TG: variants seen among roughly 807,000 people sequenced by gnomAD.
TG encodes thyroid hormones.
TG carries 270 observed loss-of-function variants against 324.7 expected under a neutral mutation model. The ratio of observed to expected loss-of-function variants is 0.83; its 90% CI spans 0.75 to 0.92. The LOEUF (loss-of-function observed/expected upper bound fraction) is 0.92. Among genes scored for constraint, TG ranks in the 40% least tolerant of loss-of-function variants. The pLI, the probability that TG is intolerant of heterozygous loss-of-function variation, is 0.00. For missense variants in TG, 3,591 were observed against 3,456.4 expected, an observed-to-expected ratio of 1.04 and a Z score of -0.98; for synonymous variants, 1,401 against 1,327.0, an observed-to-expected ratio of 1.06 and a Z score of -1.21.
At chr8:132,885,794 G>C (rs140003760) in intron 8 of TG, among the ~76,000 whole-genome samples, 37 of 152,256 alleles carry the variant, frequency 2.4e-4, no homozygotes, top group African/African-American at 8.7e-4. Flanking sequence ...TGTGGGCAGG[G>C]CCATGCTCTC....
At position 132,898,172 on chromosome 8, in the gene TG, A is replaced by T. The variant is rs1587307666; in HGVS notation, c.3143A>T (p.His1048Leu). ...EPVQCHAGTGHCWCVDEKGGF... is the reference protein window; with the variant it reads ...EPVQCHAGTGLCWCVDEKGGF... Reference sequence around the variant, plus strand: ...TCTCCCCTTGGCTCTTTTCCAGGGCACTGCTGGTGTGTAGATGAGAAAGGA... The same window carrying T: ...TCTCCCCTTGGCTCTTTTCCAGGGCTCTGCTGGTGTGTAGATGAGAAAGGA... The change falls in exon 13 of 48, where the codon CAC (histidine) becomes CTC (leucine). Residue 1048 changes from histidine (H) to leucine (L), a missense_variant. Transcript: ENST00000220616. The T allele has an allele frequency of 1.9e-6, 3 of 1,601,092 alleles. No homozygotes were observed. Among genetic ancestry groups the T allele is most frequent in the African/African-American group, 2.7e-5 (2 of 74,938 alleles).
chr8:133,012,060 G>T, intron 36 of TG, 25 bp downstream of exon 36: 1 of 1,614,094 alleles, frequency 6.2e-7, no homozygotes, highest in Non-Finnish European at 8.5e-7. Flanking sequence ...CAACCCACAG[G>T]TTGGGTGGGA....
intron 27 of TG, among the ~76,000 whole-genome samples, chr8:132,950,992 AG>A (rs1465623004): frequency 1.3e-5 from 2 of 152,116 alleles, no homozygotes; most frequent in African/African-American, 4.8e-5. Context: ...GGACTTCCCT[AG>A]GTCTTAGAGC....
In TG at chr8:133,120,613, T is replaced by A. The variant is rs191611371; in HGVS notation, c.7862+3897T>A. ...TCTGTGTTCTTCGTCCGGTATTTCT[T>A]TACGTCGTCTTTCTTCGTGCACGTC... is the stretch of plus-strand genomic sequence containing the variant. On this transcript the variant is annotated intron_variant, in intron 45 of 47. Transcript: ENST00000220616. Among the ~76,000 whole-genome samples the A allele has an allele frequency of 5.9e-5, 9 of 152,308 alleles. No individual in the cohort carries two copies. The East Asian group carries it at 1.7e-3, about 29-fold the overall frequency.
chr8:132,931,730 G>A (rs1224104817), intron 23 of TG, among the ~76,000 whole-genome samples: 1 of 152,072 alleles, frequency 6.6e-6, no homozygotes, highest in African/African-American at 2.4e-5. Context: ...TCTGCTTGCC[G>A]TGAAGATTAG....
At chr8:132,953,300 A>G (rs908664458) in intron 27 of TG, among the ~76,000 whole-genome samples, 1 of 152,084 alleles carries the variant, frequency 6.6e-6, no homozygotes, top group Non-Finnish European at 1.5e-5. Flanking sequence ...TCCCTCCCTC[A>G]TATCCTGAGC....
In TG at chr8:132,919,379, A is replaced by C. The variant is rs149439101; in HGVS notation, c.4382A>C (p.Lys1461Thr). 9 of 1,613,770 alleles carry C rather than the reference A, an allele frequency of 5.6e-6. No individual in the cohort carries two copies. Among genetic ancestry groups the C allele is most frequent in the Admixed American group, 3.3e-5 (2 of 59,976 alleles). The change falls in exon 21 of 48, where the codon AAG (lysine) becomes ACG (threonine). Residue 1461 changes from lysine (K) to threonine (T), a missense_variant. By Grantham distance (78) the Lys-to-Thr change is moderately conservative (BLOSUM62 -1). Transcript: ENST00000220616. ...EASQDGLGCV[K>T]CPEGSYSQDE... Reference sequence around the variant, plus strand: ...TCATTTCTCTGTTTTTTTCTAGTTAAGTGTCCTGAAGGAAGCTATTCCCAA... The same window carrying C: ...TCATTTCTCTGTTTTTTTCTAGTTACGTGTCCTGAAGGAAGCTATTCCCAA...
rs563729333 is a variant in TG, at chr8:133,061,319, C to T, written c.7239+31296C>T. Among the ~76,000 whole-genome samples the T allele has an allele frequency of 2.2e-4, 34 of 152,328 alleles. No homozygotes were observed. In the South Asian group the frequency reaches 6.8e-3, roughly 31 times the overall value. On this transcript the variant is annotated intron_variant, in intron 41 of 47. Coordinates refer to ENST00000220616, the MANE Select transcript of TG (RefSeq NM_003235.5). ...CCTCCATGCCTGGCCAAGTCATTAACCTTTTTCTGACTGTTTTGGGGAACA... is the reference window on the plus strand; with the variant it reads ...CCTCCATGCCTGGCCAAGTCATTAATCTTTTTCTGACTGTTTTGGGGAACA...
At chr8:132,914,859 A>G (rs1035175132) in intron 20 of TG, among the ~76,000 whole-genome samples, 2 of 152,174 alleles carry the variant, frequency 1.3e-5, no homozygotes, top group Non-Finnish European at 2.9e-5. Flanking sequence ...AGAGTCACAG[A>G]GAGAGCACCT....
chr8:132,921,136 A>G (rs764646828), intron 21 of TG, among the ~76,000 whole-genome samples: 6 of 152,256 alleles, frequency 3.9e-5, no homozygotes, highest in Non-Finnish European at 5.9e-5. Context: ...TCATGGCCTC[A>G]GTTAAACCTA....
rs564614918 is a variant in TG, at chr8:133,022,355, A to G, written c.7036+205A>G. ...AGTTGCCATTTATTGATAACTTACT[A>G]CATGTCTGAGCTTCACTGCTCCAAG... On this transcript the variant is annotated intron_variant, in intron 40 of 47. Transcript: ENST00000220616. Among the ~76,000 whole-genome samples the G allele has an allele frequency of 2.0e-5, 3 of 152,238 alleles. No homozygotes were observed. The South Asian group carries it at 6.2e-4, about 32-fold the overall frequency.
At position 132,901,543 on chromosome 8, in the gene TG, C is replaced by G; in HGVS notation, c.3624C>G (p.Pro1208=). The G allele has an allele frequency of 6.2e-7, 1 of 1,613,050 alleles. No homozygotes were observed. The highest frequency in any genetic ancestry group is 8.5e-7 in the Non-Finnish European group (1 of 1,179,842). The change falls in exon 16 of 48, where the codon CCC becomes CCG. Residue 1208 remains proline (P), a synonymous_variant. Transcript: ENST00000220616. ...VPGTRVTGGQ[P]ACESPRCPLP... ...GGACGCGCGTGACCGGGGGCCAGCCCGCCTGTGAGAGTAAGTCATGACCCC... is the reference window on the plus strand; with the variant it reads ...GGACGCGCGTGACCGGGGGCCAGCCGGCCTGTGAGAGTAAGTCATGACCCC...
At chr8:133,021,252 A>G (rs956244682) in intron 39 of TG, among the ~76,000 whole-genome samples, 3 of 152,226 alleles carry the variant, frequency 2.0e-5, no homozygotes, top group Non-Finnish European at 2.9e-5. Context: ...TAGTAAGTGC[A>G]TACTAAACTC....
intron 35 of TG, among the ~76,000 whole-genome samples, chr8:132,999,960 C>A (rs1280321869): frequency 2.0e-5 from 3 of 152,194 alleles, no homozygotes; most frequent in Non-Finnish European, 2.9e-5. Context: ...GACAGCATTT[C>A]TTTCCAGGAA....
At chr8:132,887,751 G>A (rs1029432293) in intron 9 of TG, among the ~76,000 whole-genome samples, 6 of 152,094 alleles carry the variant, frequency 3.9e-5, no homozygotes, top group Non-Finnish European at 8.8e-5. Context: ...GATTTGTCTG[G>A]CCTTAAAGAA....
At chr8:132,968,114 C>A in intron 31 of TG, 144 bp downstream of exon 31, 2 of 992,402 alleles carry the variant, frequency 2.0e-6, no homozygotes, top group Non-Finnish European at 3.0e-6. Context: ...AACATGGATC[C>A]AAACTTTCAC....
At chr8:133,049,813 C>T in intron 41 of TG, 1 of 920,670 alleles carries the variant, frequency 1.1e-6, no homozygotes, top group Non-Finnish European at 1.8e-6. Flanking sequence ...CCTTCCTTAC[C>T]ACTATGAATG....
intron 27 of TG, among the ~76,000 whole-genome samples, chr8:132,960,359 C>T (rs1827561426): frequency 6.6e-6 from 1 of 152,142 alleles, no homozygotes; most frequent in Non-Finnish European, 1.5e-5. Context: ...GGCTATTTCC[C>T]TCACCTTCCA....
In TG at chr8:132,961,068, G is replaced by A. The variant is rs766857104; in HGVS notation, c.5462G>A (p.Trp1821Ter). The A allele has an allele frequency of 6.2e-7, 1 of 1,614,006 alleles. No individual in the cohort carries two copies. Among genetic ancestry groups the A allele is most frequent in the Non-Finnish European group, 8.5e-7 (1 of 1,179,938 alleles). ...TFTNFQQVYL[W>*]KDSDMGSRPE... ...ACCAATTTTCAGCAGGTTTATCTCT[G>A]GAAAGGTGAGCTCCGTGGTGGAAGA... The change falls in exon 28 of 48, where the codon TGG becomes TAG. Residue 1821 changes from tryptophan to a stop codon, truncating the protein, a stop_gained. Coordinates refer to ENST00000220616, the MANE Select transcript of TG (RefSeq NM_003235.5). LOFTEE classifies it high-confidence loss of function.
Sources: allele counts gnomAD v4.1 joint callset (sites outside exome capture counted in the v4.1 genomes callset), GRCh38; gene constraint gnomAD v4.1.1; transcripts MANE v1.5; gene names NCBI Gene and HGNC (gene_info 2026-07-23, HGNC 2026-07-21).